Variants in MORC2 observed in about 807,000 individuals in gnomAD.
MORC2 encodes the protein MORC family CW-type zinc finger 2.
A neutral mutation model predicts 136.0 loss-of-function variants in MORC2; 30 were observed. The observed-to-expected ratio is 0.22, with a 90% CI of 0.17 to 0.30. The LOEUF is 0.30. Ranked by LOEUF, MORC2 falls within the 10% of genes least tolerant of loss-of-function variation. The probability of loss-of-function intolerance (pLI) is 1.00; values close to 1 mark genes in which losing one functional copy is unlikely to be tolerated. For missense variants in MORC2, 922 were observed against 1,333.1 expected (o/e 0.69, Z 4.80); for synonymous variants, 439 against 487.0 (o/e 0.90, Z 1.30).
rs372336963 is a variant in MORC2 at position 30,942,011 on chromosome 22, C to G, written c.587-9G>C. 3.7e-6 allele frequency: 6 copies of G among 1,612,130 alleles called. No individual in the cohort carries two copies. In the African/African-American group the frequency reaches 8.0e-5, roughly 22 times the overall value. The stretch of plus-strand genomic sequence containing the variant: ...GATGATCACCAATGTTCCTGAGAAA[C>G]AGAAATCTTTTGTCCTGCCAGATCC... On this transcript the variant is annotated splice_polypyrimidine_tract_variant and intron_variant, in intron 7 of 25. Coordinates refer to ENST00000397641, the MANE Select transcript of MORC2 (RefSeq NM_001303256.3).
At chr22:30,955,502 T>C (rs1312735823) in intron 3 of MORC2, among the ~76,000 whole-genome samples, 4 of 152,176 alleles carry the variant, frequency 2.6e-5, no homozygotes, top group Non-Finnish European at 5.9e-5. Context: ...CATAATTATA[T>C]GACATTAGTG....
chr22:30,950,341 C>CCCG, intron 4 of MORC2, 36 bp downstream of exon 4: 1 of 516,792 alleles, frequency 1.9e-6, no homozygotes, highest in South Asian at 1.8e-5. Flanking sequence ...TACATCGCAC[C>CCCG]CCCCCACCCC....
chr22:30,944,905 A>G (rs1410174022), intron 6 of MORC2, among the ~76,000 whole-genome samples: 2 of 152,180 alleles, frequency 1.3e-5, no homozygotes, highest in Non-Finnish European at 1.5e-5. Flanking sequence ...AACCTTTCCA[A>G]CCCAATCACC....
chr22:30,933,795 G>T (rs2040611975), intron 20 of MORC2, among the ~76,000 whole-genome samples: 1 of 152,194 alleles, frequency 6.6e-6, no homozygotes, highest in East Asian at 1.9e-4. Context: ...TAAGCCAGAA[G>T]CCAGTCTCAC....
chr22:30,958,302 G>C lies in MORC2; in HGVS notation c.122+339C>G, dbSNP rs911143112. Among the ~76,000 whole-genome samples, 4 of 152,198 alleles carry C rather than the reference G, an allele frequency of 2.6e-5. No homozygotes were observed. In the East Asian group the frequency reaches 5.8e-4, roughly 22 times the overall value. ...GCTAGCACAAATTAAATCAGAGCCT[G>C]CCTGTCTCATTAATATGATTCCTAA... On this transcript the variant is annotated intron_variant, in intron 2 of 25. Transcript: ENST00000397641.
intron 1 of MORC2, chr22:30,967,103 C>G (rs2041139547): frequency 1.0e-6 from 1 of 985,150 alleles, no homozygotes; most frequent in Admixed American, 6.1e-5. Flanking sequence ...TATTAAAACA[C>G]TAAAGTTTTG....
At chr22:30,930,355 T>C (rs1428404446) in intron 24 of MORC2, among the ~76,000 whole-genome samples, 1 of 152,230 alleles carries the variant, frequency 6.6e-6, no homozygotes, top group East Asian at 1.9e-4. Flanking sequence ...AGAGAGCACC[T>C]GCAGCCTAAA....
chr22:30,940,704 G>A, intron 10 of MORC2, 54 bp downstream of exon 10: 5 of 1,517,974 alleles, frequency 3.3e-6, no homozygotes, highest in Non-Finnish European at 4.6e-6. Context: ...TTGCCCACAA[G>A]CAGCATACCC....
At chr22:30,933,433 G>A (rs745460751) in intron 21 of MORC2, 33 bp downstream of exon 21, 9 of 1,602,816 alleles carry the variant, frequency 5.6e-6, no homozygotes, top group East Asian at 2.2e-5. Context: ...TCCCACCCCC[G>A]CCACAGGCTG....
At chr22:30,931,108 A>G (rs1427006730) in intron 24 of MORC2, among the ~76,000 whole-genome samples, 2 of 151,266 alleles carry the variant, frequency 1.3e-5, no homozygotes, top group African/African-American at 4.9e-5. Flanking sequence ...CCATTCCCTC[A>G]CCTCTGACCT....
chr22:30,950,353 C>CCACAAA, intron 4 of MORC2, 24 bp downstream of exon 4: 1 of 1,481,956 alleles, frequency 6.7e-7, no homozygotes, highest in Non-Finnish European at 9.4e-7. Flanking sequence ...CCCCACCCCC[C>CCACAAA]AAAACAATAA....
chr22:30,948,282 G>A (rs1156239250), intron 5 of MORC2, among the ~76,000 whole-genome samples: 1 of 152,226 alleles, frequency 6.6e-6, no homozygotes, highest in Non-Finnish European at 1.5e-5. Context: ...CAGGTAGGAG[G>A]AGGCTGATCT....
chr22:30,956,554 G>A (rs1330955085), intron 3 of MORC2, among the ~76,000 whole-genome samples: 1 of 152,218 alleles, frequency 6.6e-6, no homozygotes, highest in Non-Finnish European at 1.5e-5. Context: ...CCTTGTGTTA[G>A]TTTCTTGAAA....
At chr22:30,940,899 G>A (rs1342796524) in intron 9 of MORC2, 62 bp from the exon 10 acceptor site, 4 of 1,352,824 alleles carry the variant, frequency 3.0e-6, no homozygotes, top group Non-Finnish European at 4.2e-6. Context: ...GCACACCCAA[G>A]CACAGGAAGC....
rs2040999756 is a variant in MORC2, at chr22:30,958,623, T to C, written c.122+18A>G. Reference sequence around the variant, plus strand: ...GTTTCCACTTCAAGCACAGATTGTATGCCTGAAGACTACATACCTTGCATT... The same window carrying C: ...GTTTCCACTTCAAGCACAGATTGTACGCCTGAAGACTACATACCTTGCATT... On this transcript the variant is annotated intron_variant, in intron 2 of 25. Transcript: ENST00000397641. The C allele has an allele frequency of 1.3e-6, 2 of 1,539,856 alleles. No individual in the cohort carries two copies. Among genetic ancestry groups the C allele is most frequent in the African/African-American group, 1.4e-5 (1 of 72,670 alleles).
Position 30,950,418 on chromosome 22 carries a change from A to C in MORC2, c.185T>G (p.Phe62Cys). ...TCCATCATCCAAAAAGCAAAGCATA[A>C]ATCCTCCTCGAAGGTCCTCTCGTCT... Reference protein sequence around the residue: ...AERREDLRGGFMLCFLDDGAG... With the variant: ...AERREDLRGGCMLCFLDDGAG... Residue 62 changes from phenylalanine (F) to cysteine (C), a missense_variant, in exon 4 of 26, where the codon TTT becomes TGT. Physicochemically the swap from Phe to Cys is radical, Grantham distance 205. Coordinates refer to ENST00000397641, the MANE Select transcript of MORC2 (RefSeq NM_001303256.3). 6.2e-7 allele frequency: 1 copy of C among 1,612,548 alleles called. No homozygotes were observed. Among genetic ancestry groups the C allele is most frequent in the Non-Finnish European group, 8.5e-7 (1 of 1,179,772 alleles).
rs535933405 is a variant in MORC2 at position 30,966,983 on chromosome 22, C to A, written c.68+839G>T. ...ACATAATGGAAGTCTATACTCTCGA[C>A]TCTGAAGTGGGTTCTTCAGAGACTG... On this transcript the variant is annotated intron_variant, in intron 1 of 25. Coordinates refer to ENST00000397641, the MANE Select transcript of MORC2 (RefSeq NM_001303256.3). 5 of 573,612 alleles carry A rather than the reference C, an allele frequency of 8.7e-6. No individual in the cohort carries two copies. The African/African-American group carries it at 1.0e-4, about 12-fold the overall frequency. The allele number at this position is 573,612 out of a possible 1,614,324, so 35.5% of individuals were successfully genotyped here.
intron 1 of MORC2, among the ~76,000 whole-genome samples, chr22:30,963,586 G>A (rs1371189392): frequency 1.3e-5 from 2 of 151,824 alleles, no homozygotes; most frequent in African/African-American, 4.8e-5. Flanking sequence ...GGGTTTCACC[G>A]TGTTGGCCAG....
intron 1 of MORC2, among the ~76,000 whole-genome samples, chr22:30,961,713 G>A (rs1400313937): frequency 1.3e-5 from 2 of 152,186 alleles, no homozygotes; most frequent in African/African-American, 4.8e-5. Flanking sequence ...TTGGTAGTGA[G>A]AATGGTCAAT....
Sources: gnomAD v4.1 joint callset for allele counts (sites outside exome capture counted in the v4.1 genomes callset) on GRCh38, gnomAD v4.1.1 for gene constraint, MANE v1.5 for transcripts, NCBI Gene and HGNC (gene_info 2026-07-23, HGNC 2026-07-21) for gene names.